Variants in PRKCH observed in about 807,000 individuals in gnomAD.
PRKCH encodes protein kinase C eta type.
Under a neutral mutation model 82.5 loss-of-function variants are expected in PRKCH, and 28 were observed. That is an observed-to-expected ratio of 0.34 (90% confidence interval 0.25 to 0.47). The LOEUF (loss-of-function observed/expected upper bound fraction) is 0.47. Among genes scored for constraint, PRKCH ranks in the 20% least tolerant of loss-of-function variants. The probability of loss-of-function intolerance (pLI) is 1.00; values close to 1 mark genes in which losing one functional copy is unlikely to be tolerated. For synonymous variants in PRKCH, 322 were observed against 327.4 expected (o/e 0.98, Z 0.18); for missense variants, 705 against 881.8 (o/e 0.80, Z 2.54).
intron 1 of PRKCH, among the ~76,000 whole-genome samples, chr14:61,308,273 T>C (rs1239443919): frequency 6.6e-6 from 1 of 152,262 alleles, no homozygotes; most frequent in Non-Finnish European, 1.5e-5. Flanking sequence ...ATATAGATGC[T>C]AGAATGATAT....
chr14:61,190,625 G>A (rs142234018), intron 1 of PRKCH, among the ~76,000 whole-genome samples: 23 of 152,260 alleles, frequency 1.5e-4, no homozygotes, highest in Non-Finnish European at 2.8e-4. Context: ...TTGCCCGTGT[G>A]GTCCCACTCC....
chr14:61,291,467 C>T (rs916478638), intron 1 of PRKCH, among the ~76,000 whole-genome samples: 7 of 151,758 alleles, frequency 4.6e-5, no homozygotes, highest in Non-Finnish European at 1.0e-4. Context: ...GTAGCTGGGA[C>T]TACAGGTGTG....
At chr14:61,205,395 G>A (rs1319431320) in intron 1 of PRKCH, among the ~76,000 whole-genome samples, 1 of 152,174 alleles carries the variant, frequency 6.6e-6, no homozygotes, top group Non-Finnish European at 1.5e-5. Context: ...AGTTACTGAG[G>A]CATGGGAAGG....
At chr14:61,259,857 A>C (rs2045031048) in intron 1 of PRKCH, among the ~76,000 whole-genome samples, 1 of 152,188 alleles carries the variant, frequency 6.6e-6, no homozygotes, top group East Asian at 1.9e-4. Context: ...CATGTCTGAA[A>C]GGTTAAAATC....
At chr14:61,525,040 C>T (rs2042948968) in intron 10 of PRKCH, 1 of 152,270 alleles carries the variant, frequency 6.6e-6, no homozygotes, top group Non-Finnish European at 1.5e-5. Context: ...TTCTGTTTAT[C>T]CCTTTGGTCA....
At chr14:61,421,296 A>T (rs1313216175) in intron 2 of PRKCH, among the ~76,000 whole-genome samples, 2 of 152,218 alleles carry the variant, frequency 1.3e-5, no homozygotes, top group East Asian at 3.9e-4. Context: ...TGAAAACTAA[A>T]CACTATAAGA....
intron 1 of PRKCH, among the ~76,000 whole-genome samples, chr14:61,219,089 C>T (rs1043867581): frequency 2.4e-4 from 37 of 152,134 alleles, no homozygotes; most frequent in Admixed American, 2.3e-3. Flanking sequence ...GGAAATGACC[C>T]GACATTGGAC....
At chr14:61,391,098 A>G (rs2046672735) in intron 1 of PRKCH, 127 bp from the exon 2 acceptor site, 10 of 743,706 alleles carry the variant, frequency 1.3e-5, no homozygotes, top group Non-Finnish European at 2.1e-5. Context: ...CTATTTAATG[A>G]AAGACTTAGA....
chr14:61,389,147 G>A (rs1200395388), intron 1 of PRKCH, among the ~76,000 whole-genome samples: 5 of 152,162 alleles, frequency 3.3e-5, no homozygotes, highest in South Asian at 2.1e-4. Flanking sequence ...AGGCCAAGGC[G>A]GGCGGATTGC....
chr14:61,243,868 T>C (rs1431710244), intron 1 of PRKCH, among the ~76,000 whole-genome samples: 1 of 151,950 alleles, frequency 6.6e-6, no homozygotes, highest in African/African-American at 2.4e-5. Flanking sequence ...CCCAGCACTT[T>C]GGGAGGCCAA....
At chr14:61,208,998 C>T (rs566213213) in intron 1 of PRKCH, among the ~76,000 whole-genome samples, 56 of 152,174 alleles carry the variant, frequency 3.7e-4, no homozygotes, top group African/African-American at 1.3e-3. Flanking sequence ...GAGGTGGGAT[C>T]GTTAAGAGTT....
intron 1 of PRKCH, among the ~76,000 whole-genome samples, chr14:61,343,351 CAAAAAAAAA>C (rs57154047): frequency 3.4e-5 from 3 of 87,350 alleles, no homozygotes; most frequent in Admixed American, 2.6e-4. Flanking sequence ...CCAGTTCCCT[CAAAAAAAAA>C]AAAAAAAAAA....
chr14:61,458,916 G>T (rs1647886504), intron 9 of PRKCH, among the ~76,000 whole-genome samples: 1 of 152,136 alleles, frequency 6.6e-6, no homozygotes, highest in Admixed American at 6.5e-5. Flanking sequence ...AATTCAACAT[G>T]AGATCTGGGT....
chr14:61,191,796 T>G (rs1279324634), intron 1 of PRKCH, among the ~76,000 whole-genome samples: 1 of 152,258 alleles, frequency 6.6e-6, no homozygotes, highest in Admixed American at 6.5e-5. Flanking sequence ...TGTTGAACTA[T>G]TGCAGATTTT....
chr14:61,391,451 A>G (rs563609231), intron 2 of PRKCH, among the ~76,000 whole-genome samples, 163 bp downstream of exon 2: 17 of 152,188 alleles, frequency 1.1e-4, no homozygotes, highest in Admixed American at 2.0e-4. Flanking sequence ...CCAGTGGTCT[A>G]TTGGTTCAGG....
chr14:61,261,602 G>C (rs1216949596), intron 1 of PRKCH, among the ~76,000 whole-genome samples: 2 of 152,092 alleles, frequency 1.3e-5, no homozygotes, highest in East Asian at 3.8e-4. Flanking sequence ...CTCTCTTGCT[G>C]TTCTGACTTG....
At position 61,322,235 on chromosome 14, in the gene PRKCH, T is replaced by A; in HGVS notation, c.134T>A (p.Leu45Gln). 1 of 1,613,486 alleles carries A rather than the reference T, an allele frequency of 6.2e-7. No individual in the cohort carries two copies. Among genetic ancestry groups the A allele is most frequent in the Non-Finnish European group, 8.5e-7 (1 of 1,179,870 alleles). ...KKGHQLLDPY[L>Q]TVSVDQVRVG... Reference sequence around the variant, plus strand: ...GGCCACCAGCTGCTGGACCCCTATCTGACGGTGAGCGTGGACCAGGTGCGC... The same window carrying A: ...GGCCACCAGCTGCTGGACCCCTATCAGACGGTGAGCGTGGACCAGGTGCGC... Residue 45 changes from leucine (L) to glutamine (Q), a missense_variant, in exon 1 of 14, where the codon CTG becomes CAG. Leu to Gln is a moderately radical substitution (Grantham distance 113). Transcript: ENST00000332981.
chr14:61,487,213 G>A (rs1886263806), intron 10 of PRKCH, among the ~76,000 whole-genome samples: 1 of 152,130 alleles, frequency 6.6e-6, no homozygotes, highest in Non-Finnish European at 1.5e-5. Context: ...TCCATACAGT[G>A]CATTTATCAC....
At chr14:61,215,052 C>T (rs1355055562) in intron 1 of PRKCH, among the ~76,000 whole-genome samples, 1 of 152,108 alleles carries the variant, frequency 6.6e-6, no homozygotes, top group Non-Finnish European at 1.5e-5. Flanking sequence ...ATCCTTGTTT[C>T]TTATTTTCCC....
Sources: allele counts gnomAD v4.1 joint callset (sites outside exome capture counted in the v4.1 genomes callset), GRCh38; gene constraint gnomAD v4.1.1; transcripts MANE v1.5; gene names NCBI Gene and HGNC (gene_info 2026-07-23, HGNC 2026-07-21).